The following CIRSR variants were observed in gnomAD, a reference collection of about 807,000 sequenced individuals.
CIRSR encodes CBF1 (RBPJ) interacting corepressor 1.
At chr2:174,394,491 A>G in the CIRSR span, among the ~76,000 whole-genome samples, 1 of 152,228 alleles carries the variant, frequency 6.6e-6, no homozygotes, top group African/African-American at 2.4e-5. Flanking sequence ...TAGTTCTGGT[A>G]CAACATTTAA....
chr2:174,379,470 T>C, the CIRSR span, among the ~76,000 whole-genome samples: 2 of 152,192 alleles, frequency 1.3e-5, no homozygotes, highest in Admixed American at 1.3e-4. Context: ...ATGTTGTCTA[T>C]TCTAACGACT....
At chr2:174,369,829 G>A in the CIRSR span, among the ~76,000 whole-genome samples, 3 of 152,106 alleles carry the variant, frequency 2.0e-5, no homozygotes, top group African/African-American at 4.8e-5. Context: ...ACACAATTAC[G>A]ATAGTAATGT....
At chr2:174,379,031 C>T in the CIRSR span, 1 of 1,610,114 alleles carries the variant, frequency 6.2e-7, no homozygotes, top group Non-Finnish European at 8.5e-7. Flanking sequence ...ATGCACCTCA[C>T]ATTTCGAACC....
At chr2:174,354,273 T>C in the CIRSR span, among the ~76,000 whole-genome samples, 3 of 148,616 alleles carry the variant, frequency 2.0e-5, no homozygotes, top group Non-Finnish European at 4.4e-5. Context: ...GCTCGACAAA[T>C]AGTACTTAAT....
chr2:174,360,002 T>C, the CIRSR span, among the ~76,000 whole-genome samples: 16 of 152,222 alleles, frequency 1.1e-4, no homozygotes, highest in African/African-American at 2.9e-4. Flanking sequence ...TAGGTAGGAA[T>C]TGAACAATGA....
chr2:174,391,050 T>A, the CIRSR span, among the ~76,000 whole-genome samples: 1 of 152,166 alleles, frequency 6.6e-6, no homozygotes, highest in Non-Finnish European at 1.5e-5. Flanking sequence ...ACTTTCTTCT[T>A]TTGGGTGGTA....
the CIRSR span, among the ~76,000 whole-genome samples, chr2:174,349,398 C>G: frequency 3.3e-5 from 5 of 151,892 alleles, no homozygotes; most frequent in Non-Finnish European, 7.4e-5. Context: ...AACCCCATCT[C>G]TAGTAAAAAT....
At chr2:174,378,617 T>C in the CIRSR span, 1 of 343,602 alleles carries the variant, frequency 2.9e-6, no homozygotes, top group Non-Finnish European at 5.4e-6. Flanking sequence ...GAAATAAGCA[T>C]TTTTTCCTTC....
the CIRSR span, among the ~76,000 whole-genome samples, chr2:174,370,830 G>C: frequency 1.3e-5 from 2 of 150,206 alleles, no homozygotes; most frequent in African/African-American, 2.4e-5. Flanking sequence ...AGAATGGTGT[G>C]AACCCAGGAG....
At chr2:174,354,494 AAAT>A in the CIRSR span, among the ~76,000 whole-genome samples, 3 of 43,392 alleles carry the variant, frequency 6.9e-5, no homozygotes, top group Non-Finnish European at 9.7e-5. Context: ...TATATTATAT[AAAT>A]TATATTATAT....
chr2:174,360,255 T>C, the CIRSR span, among the ~76,000 whole-genome samples: 2 of 152,266 alleles, frequency 1.3e-5, no homozygotes, highest in Admixed American at 1.3e-4. Flanking sequence ...TTTATTATTT[T>C]ATCTCCTTAG....
chr2:174,362,995 A>G, the CIRSR span, among the ~76,000 whole-genome samples: 1 of 152,164 alleles, frequency 6.6e-6, no homozygotes, highest in Admixed American at 6.5e-5. Flanking sequence ...ACCAAAGAAC[A>G]ATCTCCGTGT....
the CIRSR span, chr2:174,380,561 CTAA>C: frequency 8.2e-7 from 1 of 1,214,480 alleles, no homozygotes. Context: ...GTTGCCTCCT[CTAA>C]TGATTGAAAA....
chr2:174,381,729 A>G, the CIRSR span: 18 of 1,597,392 alleles, frequency 1.1e-5, no homozygotes, highest in Admixed American at 1.8e-5. Context: ...GTGGGGCTTC[A>G]TACATGAAAT....
the CIRSR span, among the ~76,000 whole-genome samples, chr2:174,382,653 CA>C: frequency 1.3e-5 from 2 of 151,832 alleles, no homozygotes; most frequent in African/African-American, 4.8e-5. Context: ...ACAACAATAG[CA>C]AAAAAGTCTA....
chr2:174,382,823 G>A, the CIRSR span, among the ~76,000 whole-genome samples: 6 of 152,064 alleles, frequency 3.9e-5, no homozygotes, highest in African/African-American at 1.5e-4. Flanking sequence ...CAAATGGAAT[G>A]ACTGGTTCAG....
At chr2:174,351,675 AC>A in the CIRSR span, 2 of 1,613,656 alleles carry the variant, frequency 1.2e-6, no homozygotes, top group East Asian at 4.5e-5. Context: ...TTCAGTGCAA[AC>A]CCACTGTTTC....
the CIRSR span, among the ~76,000 whole-genome samples, chr2:174,351,096 A>T: frequency 2.6e-5 from 4 of 152,214 alleles, no homozygotes; most frequent in Non-Finnish European, 5.9e-5. Context: ...ATTTAATGAA[A>T]TATAAAAAAG....
the CIRSR span, chr2:174,348,339 G>T: frequency 8.5e-7 from 1 of 1,174,558 alleles, no homozygotes. Context: ...TTTTGTACTT[G>T]AATTGACAGT....
Sources: allele counts gnomAD v4.1 joint callset (sites outside exome capture counted in the v4.1 genomes callset), GRCh38; gene constraint gnomAD v4.1.1; transcripts MANE v1.5; gene names NCBI Gene and HGNC (gene_info 2026-07-23, HGNC 2026-07-21).